The following RREB1 variants were observed in gnomAD, a reference collection of about 807,000 sequenced individuals.
RREB1 encodes ras-responsive element-binding protein 1.
Under a neutral mutation model 117.8 loss-of-function variants are expected in RREB1, and 27 were observed. That is an observed-to-expected ratio of 0.23 (90% confidence interval 0.17 to 0.32). The LOEUF (loss-of-function observed/expected upper bound fraction) is 0.32, where lower values mean the gene tolerates loss of function less well. RREB1 is among the 10% of genes least tolerant of loss of function. The probability of loss-of-function intolerance (pLI) is 1.00; values close to 1 mark genes in which losing one functional copy is unlikely to be tolerated. For missense variants in RREB1, 2,577 were observed against 2,378.2 expected, an observed-to-expected ratio of 1.08 and a Z score of -1.74; for synonymous variants, 1,298 against 1,026.7, an observed-to-expected ratio of 1.26 and a Z score of -5.05.
chr6:7,149,674 A>G (rs1163091482), intron 1 of RREB1, among the ~76,000 whole-genome samples: 1 of 152,162 alleles, frequency 6.6e-6, no homozygotes, highest in East Asian at 1.9e-4. Context: ...AGCAGAAATT[A>G]TTAGGTTTTG....
At chr6:7,203,379 C>A (rs1766094074) in intron 6 of RREB1, among the ~76,000 whole-genome samples, 1 of 152,194 alleles carries the variant, frequency 6.6e-6, no homozygotes, top group Non-Finnish European at 1.5e-5. Context: ...AATACATATC[C>A]TTCAGGCATT....
In RREB1 at chr6:7,153,436, A is replaced by G. The variant is rs945579805; in HGVS notation, c.-284-23219A>G. Among the ~76,000 whole-genome samples the G allele has an allele frequency of 5.3e-4, 80 of 152,052 alleles. 1 individual carries two copies. Among genetic ancestry groups the G allele is most frequent in the African/African-American group, 1.9e-3 (78 of 41,482 alleles). On this transcript the variant is annotated intron_variant, in intron 1 of 12. Coordinates refer to ENST00000379938, the MANE Select transcript of RREB1 (RefSeq NM_001003699.4). ...TATACACACACACACACACACACAC[A>G]CACACACAAATCCTCCAATGTATTT...
intron 1 of RREB1, among the ~76,000 whole-genome samples, chr6:7,108,345 C>A (rs910896149): frequency 1.3e-5 from 2 of 152,064 alleles, no homozygotes; most frequent in Non-Finnish European, 2.9e-5. Flanking sequence ...TCCTCCCCTT[C>A]CTCCGCTCTT....
chr6:7,172,989 C>A (rs572127654), intron 1 of RREB1, among the ~76,000 whole-genome samples: 7 of 152,280 alleles, frequency 4.6e-5, no homozygotes, highest in African/African-American at 1.4e-4. Flanking sequence ...TGGCTCAGAC[C>A]ATTTTAGTGT....
intron 1 of RREB1, among the ~76,000 whole-genome samples, chr6:7,175,066 C>G (rs991910791): frequency 6.6e-6 from 1 of 151,856 alleles, no homozygotes; most frequent in African/African-American, 2.4e-5. Flanking sequence ...AGGCTTTGTT[C>G]CTAATGAAAT....
chr6:7,211,012 C>CT, intron 7 of RREB1, 64 bp downstream of exon 7: 4 of 1,502,882 alleles, frequency 2.7e-6, no homozygotes, highest in South Asian at 1.2e-5. Context: ...TACCACTAAT[C>CT]TTTATTTTCT....
Position 7,182,377 on chromosome 6 carries a change from A to G in RREB1, c.171+295A>G, listed in dbSNP as rs1315305336. On this transcript the variant is annotated intron_variant, in intron 4 of 12. Transcript: ENST00000379938. ...CTTGATGGCCATGGCAGGGAACATC[A>G]CTGATTTCTGTGATGTGGTTTGTTT... 2.0e-5 allele frequency among the ~76,000 whole-genome samples: 3 copies of G among 152,258 alleles called. No homozygotes were observed. In the East Asian group the frequency reaches 5.8e-4, roughly 29 times the overall value.
Position 7,187,456 on chromosome 6 carries a change from C to T in RREB1, c.194C>T (p.Ser65Phe). 2 of 1,605,222 alleles carry T rather than the reference C, an allele frequency of 1.2e-6. No homozygotes were observed. The highest frequency in any genetic ancestry group is 1.7e-6 in the Non-Finnish European group (2 of 1,173,652). Residue 65 changes from serine (S) to phenylalanine (F), a missense_variant, in exon 5 of 13, where the codon TCC (serine) becomes TTC (phenylalanine). By Grantham distance (155) the Ser-to-Phe change is radical (BLOSUM62 -2). Transcript: ENST00000379938. ...TAGGAAACGAAAGAGGAGAAGTCTT[C>T]CTATAACTGCCCCCTGTGTGAGAAG... ...RNQETKEEKS[S>F]YNCPLCEKIC...
At chr6:7,161,904 T>C (rs1763685630) in intron 1 of RREB1, among the ~76,000 whole-genome samples, 1 of 152,212 alleles carries the variant, frequency 6.6e-6, no homozygotes, top group Non-Finnish European at 1.5e-5. Context: ...TTAAATCTGC[T>C]ACCAAGAGCT....
At chr6:7,234,217 T>C (rs1488499088) in intron 10 of RREB1, among the ~76,000 whole-genome samples, 5 of 152,352 alleles carry the variant, frequency 3.3e-5, no homozygotes, top group East Asian at 3.9e-4. Context: ...GTGCCCCTTA[T>C]AGCAATGTCT....
At chr6:7,144,927 T>G (rs1349486782) in intron 1 of RREB1, among the ~76,000 whole-genome samples, 1 of 152,242 alleles carries the variant, frequency 6.6e-6, no homozygotes, top group Non-Finnish European at 1.5e-5. Context: ...TCAGCGAGGT[T>G]ATGAAGGCCC....
At chr6:7,195,568 G>C (rs899350973) in intron 6 of RREB1, among the ~76,000 whole-genome samples, 4 of 152,172 alleles carry the variant, frequency 2.6e-5, no homozygotes, top group African/African-American at 9.7e-5. Flanking sequence ...ATGCAACCCA[G>C]GTCCTGAGAA....
intron 5 of RREB1, among the ~76,000 whole-genome samples, chr6:7,188,226 C>CGTGTGTGTGTGTGTGTGTGT (rs149501678): frequency 6.7e-6 from 1 of 149,302 alleles, no homozygotes; most frequent in Non-Finnish European, 1.5e-5. Flanking sequence ...CCCCCCCACA[C>CGTGTGTGTGTGTGTGTGTGT]GTGTGTGTGT....
chr6:7,166,692 G>T (rs1763945073), intron 1 of RREB1, among the ~76,000 whole-genome samples: 1 of 152,196 alleles, frequency 6.6e-6, no homozygotes, highest in Non-Finnish European at 1.5e-5. Flanking sequence ...TCAAACGCTT[G>T]TATCTTCCAC....
At chr6:7,158,371 T>C (rs1051849203) in intron 1 of RREB1, among the ~76,000 whole-genome samples, 5 of 152,136 alleles carry the variant, frequency 3.3e-5, no homozygotes, top group Admixed American at 1.3e-4. Context: ...AAACAGGTTT[T>C]CTTAAAACTC....
intron 1 of RREB1, among the ~76,000 whole-genome samples, chr6:7,130,690 C>G (rs1762117621): frequency 6.6e-6 from 1 of 151,116 alleles, no homozygotes; most frequent in African/African-American, 2.4e-5. Context: ...GATCTTGGCT[C>G]ACTGCAACCT....
Position 7,248,900 on chromosome 6 carries a change from A to G in RREB1, c.5161A>G (p.Ser1721Gly), listed in dbSNP as rs753285993. The change falls in exon 13 of 13, where the codon AGC (serine) becomes GGC (glycine). Residue 1721 changes from serine (S) to glycine (G), a missense_variant. Physicochemically the swap from Ser to Gly is moderately conservative, Grantham distance 56. Transcript: ENST00000379938. ...ALGQDLLEPR[S>G]KRPAHPILAT... The stretch of plus-strand genomic sequence containing the variant: ...GGGGCAGGACCTGCTGGAGCCGCGC[A>G]GCAAGAGGCCTGCCCACCCAATCCT... The G allele has an allele frequency of 2.4e-5, 37 of 1,562,808 alleles. No homozygotes were observed. In the Middle Eastern group the frequency reaches 1.1e-3, roughly 48 times the overall value.
At position 7,200,279 on chromosome 6, in the gene RREB1, TG is replaced by T. The variant is rs1561777003; in HGVS notation, c.426-10524del. ...GTGTGTGTGTGTGTGTGTGTGTGTG[TG>T]TATTTTTTTTTTTTTCTTTTTTGAG... is the stretch of plus-strand genomic sequence containing the variant. On this transcript the variant is annotated intron_variant, in intron 6 of 12. Coordinates refer to ENST00000379938, the MANE Select transcript of RREB1 (RefSeq NM_001003699.4). Among the ~76,000 whole-genome samples the T allele has an allele frequency of 7.7e-3, 898 of 116,926 alleles. 5 individuals carry two copies. Among genetic ancestry groups the T allele is most frequent in the African/African-American group, 0.019 (363 of 19,352 alleles). The allele number at this position is 116,926 out of a possible 152,430, so 76.7% of individuals were successfully genotyped here. A position where few individuals can be genotyped will look rare whatever the true frequency, so the allele number is the denominator to read the frequency against.
At chr6:7,109,551 C>T (rs1178192166) in intron 1 of RREB1, among the ~76,000 whole-genome samples, 1 of 152,162 alleles carries the variant, frequency 6.6e-6, no homozygotes, top group Non-Finnish European at 1.5e-5. Context: ...GCGGGGACCC[C>T]ACGGGGTGCG....
Sources: allele counts gnomAD v4.1 joint callset (sites outside exome capture counted in the v4.1 genomes callset), GRCh38; gene constraint gnomAD v4.1.1; transcripts MANE v1.5; gene names NCBI Gene and HGNC (gene_info 2026-07-23, HGNC 2026-07-21).